Variants in WDR87 observed in about 807,000 individuals in gnomAD.
WDR87 encodes the protein WD repeat domain 87.
A neutral mutation model predicts 83.3 loss-of-function variants in WDR87; 56 were observed. The observed-to-expected ratio is 0.67, with a 90% CI of 0.54 to 0.84. The LOEUF is 0.84. Ranked by LOEUF, WDR87 falls within the 40% of genes least tolerant of loss-of-function variation. The pLI is 0.00. For missense variants in WDR87, 2,939 were observed against 3,431.9 expected (o/e 0.86, Z 3.59); for synonymous variants, 1,173 against 1,250.6 (o/e 0.94, Z 1.31).
chr19:37,898,436 ACAGCC>A (rs1487798300), intron 1 of WDR87, 151 bp from the exon 2 acceptor site: 2 of 623,400 alleles, frequency 3.2e-6, no homozygotes, highest in Non-Finnish European at 4.0e-6. Flanking sequence ...CATCCACTCT[ACAGCC>A]CAGTAAGGTA....
rs1207656862 is a variant in WDR87, at chr19:37,894,595, G to A, written c.1108C>T (p.Arg370Trp). The change falls in exon 4 of 6, where the codon CGG (arginine) becomes TGG (tryptophan). Residue 370 changes from arginine to tryptophan, a missense_variant. Physicochemically the swap from Arg to Trp is moderately radical, Grantham distance 101 (BLOSUM62 -3). This residue lies in a region of WDR87 where 553 missense variants were observed against 577.9 expected (regional missense o/e 0.96). Transcript: ENST00000447313. ...VCGSAPQQLR[R>W]VCCGNNWFRI... Reference sequence around the variant, plus strand: ...AACCAGTTATTTCCACAGCAGACCCGACGCAACTGCTGGGGAGCAGAGCCA... The same window carrying A: ...AACCAGTTATTTCCACAGCAGACCCAACGCAACTGCTGGGGAGCAGAGCCA... The A allele has an allele frequency of 4.5e-6, 7 of 1,551,612 alleles. No homozygotes were observed. The highest frequency in any genetic ancestry group is 4.1e-5 in the African/African-American group (3 of 73,060).
In WDR87 at chr19:37,888,744, G is replaced by A. The variant is rs1486006415; in HGVS notation, c.4927C>T (p.Gln1643Ter). Residue 1643 changes from glutamine (Q) to a stop codon, truncating the protein, a stop_gained, in exon 6 of 6, where the codon CAA becomes TAA. Coordinates refer to ENST00000447313, the MANE Select transcript of WDR87 (RefSeq NM_001291088.2). LOFTEE classifies it low-confidence loss of function (END_TRUNC). ...TCCTGGGCCAACTGTCTCTCTTCTT[G>A]TGCAAGTTTCTCTTCTTCTTGTGCT... is the stretch of plus-strand genomic sequence containing the variant. The part of the protein sequence containing the change: ...KLAQEEEKLA[Q>*]EERQLAQEER... 2.6e-6 allele frequency: 4 copies of A among 1,551,768 alleles called. No homozygotes were observed. Among genetic ancestry groups the A allele is most frequent in the Admixed American group, 2.0e-5 (1 of 50,972 alleles).
rs138647058 is a variant in WDR87 at position 37,905,559 on chromosome 19, T to A, written c.-47+940A>T. ...CATTACACATAAAAACACACACATA[T>A]ATAATTTTTTTTTTTTTTAAAGAGA... On this transcript the variant is annotated intron_variant, in intron 1 of 5. Transcript: ENST00000447313. Among the ~76,000 whole-genome samples, 780 of 139,580 alleles carry A rather than the reference T, an allele frequency of 5.6e-3. 6 individuals are homozygous for A. Among genetic ancestry groups the A allele is most frequent in the African/African-American group, 0.022 (755 of 33,802 alleles). 91.6% of individuals were successfully genotyped at this position (139,580 alleles called of 152,430 possible).
Position 37,887,064 on chromosome 19 carries a change from C to T in WDR87, c.6607G>A (p.Glu2203Lys). The T allele has an allele frequency of 3.9e-6, 6 of 1,550,996 alleles. No individual in the cohort carries two copies. The highest frequency in any genetic ancestry group is 5.2e-6 in the Non-Finnish European group (6 of 1,146,936). The change falls in exon 6 of 6, where the codon GAG (glutamate) becomes AAG (lysine). Residue 2203 changes from glutamate to lysine, a missense_variant. Transcript: ENST00000447313. ...GAATGCTTTCTGGCCAATTTGCTCT[C>T]TTCCTCAGTCATTTTTTCTTCTTTG... The part of the protein sequence containing the change: ...INKEEKMTEE[E>K]SKLARKHSEV...
intron 1 of WDR87, among the ~76,000 whole-genome samples, chr19:37,904,471 G>C: frequency 6.6e-6 from 1 of 151,798 alleles, no homozygotes. Flanking sequence ...TGATTCTTGA[G>C]CCTCAGCCTC....
chr19:37,905,461 AAAGT>A (rs10676914), intron 1 of WDR87, among the ~76,000 whole-genome samples: 13 of 151,498 alleles, frequency 8.6e-5, no homozygotes, highest in Admixed American at 3.3e-4. Flanking sequence ...AAGAAAAAAA[AAAGT>A]AAATAATAAT....
rs767351944 is a variant in WDR87, at chr19:37,889,023, G to C, written c.4648C>G (p.Gln1550Glu). Reference protein sequence around the residue: ...EKLSPEEEMLQEDKKLKWEEW... With the variant: ...EKLSPEEEMLEEDKKLKWEEW... ...TCCCATTTCAGCTTCTTGTCCTCCT[G>C]AAGCATTTCCTCCTCCGGGGATAGC... is the stretch of plus-strand genomic sequence containing the variant. The change falls in exon 6 of 6, where the codon CAG becomes GAG. Residue 1550 changes from glutamine (Q) to glutamate (E), a missense_variant. Around this residue, in one of 3 missense-constraint regions of WDR87, gnomAD observed 2,160 missense variants for 2,533.1 expected, o/e 0.85. Transcript: ENST00000447313. 4.5e-6 allele frequency: 7 copies of C among 1,551,962 alleles called. No homozygotes were observed. Among genetic ancestry groups the C allele is most frequent in the Middle Eastern group, 3.3e-4 (2 of 5,994 alleles).
Position 37,889,663 on chromosome 19 carries a change from T to G in WDR87, c.4008A>C (p.Glu1336Asp). 6.4e-7 allele frequency: 1 copy of G among 1,551,824 alleles called. No homozygotes were observed. Among genetic ancestry groups the G allele is most frequent in the African/African-American group, 1.4e-5 (1 of 73,170 alleles). ...FQEICPLLKK[E>D]SKVLLEDLDW... ...CAAGGTCCTCAAGCAGAACCTTACT[T>G]TCTTTCTTCAATAGGGGGCAGATCT... The change falls in exon 6 of 6, where the codon GAA (glutamate) becomes GAC (aspartate). Residue 1336 changes from glutamate to aspartate, a missense_variant. This residue lies in a region of WDR87 where 2,160 missense variants were observed against 2,533.1 expected (regional missense o/e 0.85). Coordinates refer to ENST00000447313, the MANE Select transcript of WDR87 (RefSeq NM_001291088.2).
intron 1 of WDR87, among the ~76,000 whole-genome samples, chr19:37,903,719 G>A (rs1473583900): frequency 2.0e-5 from 3 of 151,868 alleles, no homozygotes; most frequent in African/African-American, 7.3e-5. Context: ...TTGTAGAGAT[G>A]GGGTTTCACC....
chr19:37,891,798 G>A lies in WDR87; in HGVS notation c.3148C>T (p.Pro1050Ser), dbSNP rs1208924540. 6.4e-7 allele frequency: 1 copy of A among 1,552,138 alleles called. No individual in the cohort carries two copies. Among genetic ancestry groups the A allele is most frequent in the Admixed American group, 2.0e-5 (1 of 50,980 alleles). Residue 1050 changes from proline to serine, a missense_variant, in exon 5 of 6, where the codon CCC becomes TCC. Physicochemically the swap from Pro to Ser is moderately conservative, Grantham distance 74. Coordinates refer to ENST00000447313, the MANE Select transcript of WDR87 (RefSeq NM_001291088.2). ...CGCATCCCCAGTAGATGGTCCAGGG[G>A]TTCCTCCCCGATCATCTGCTGCCTA... ...EMQQQMIGEE[P>S]LDHLLGMRAT...
chr19:37,890,288 A>G lies in WDR87; in HGVS notation c.3395-12T>C. Reference sequence around the variant, plus strand: ...CAACCATTTTTGGCCTGCAGTAAAAATCGAGAGATGGAGGTAAGCAAAGTA... The same window carrying G: ...CAACCATTTTTGGCCTGCAGTAAAAGTCGAGAGATGGAGGTAAGCAAAGTA... On this transcript the variant is annotated splice_polypyrimidine_tract_variant and intron_variant, in intron 5 of 5. Coordinates refer to ENST00000447313, the MANE Select transcript of WDR87 (RefSeq NM_001291088.2). 1 of 1,513,510 alleles carries G rather than the reference A, an allele frequency of 6.6e-7. No homozygotes were observed. The highest frequency in any genetic ancestry group is 8.9e-7 in the Non-Finnish European group (1 of 1,127,238). 93.8% of individuals were successfully genotyped at this position (1,513,510 alleles called of 1,614,324 possible). A position where few individuals can be genotyped will look rare whatever the true frequency, so the allele number is the denominator to read the frequency against.
intron 1 of WDR87, among the ~76,000 whole-genome samples, chr19:37,901,380 G>A (rs1051694648): frequency 1.2e-4 from 18 of 152,030 alleles, no homozygotes; most frequent in Non-Finnish European, 2.6e-4. Context: ...GCAGTGAGCC[G>A]AGATTGCAGC....
In WDR87 at chr19:37,886,843, T is replaced by C; in HGVS notation, c.6828A>G (p.Leu2276=). The C allele has an allele frequency of 6.4e-7, 1 of 1,551,344 alleles. No individual in the cohort carries two copies. Among genetic ancestry groups the C allele is most frequent in the Non-Finnish European group, 8.7e-7 (1 of 1,146,946 alleles). The change falls in exon 6 of 6, where the codon CTA becomes CTG. Residue 2276 remains leucine (L), a synonymous_variant. Transcript: ENST00000447313. ...SEEMESLLDE[L]EKQESLSSEE... Reference sequence around the variant, plus strand: ...CAGAAGACAAACTCTCTTGCTTTTCTAGTTCATCTAACAGGCTTTCCATTT... The same window carrying C: ...CAGAAGACAAACTCTCTTGCTTTTCCAGTTCATCTAACAGGCTTTCCATTT...
intron 1 of WDR87, 79 bp from the exon 2 acceptor site, chr19:37,898,364 C>A: frequency 6.8e-7 from 1 of 1,466,806 alleles, no homozygotes; most frequent in Non-Finnish European, 9.0e-7. Flanking sequence ...CAACAATGAA[C>A]TCATGTTTAT....
In WDR87 at chr19:37,889,507, T is replaced by G; in HGVS notation, c.4164A>C (p.Gln1388His). 1 of 1,551,814 alleles carries G rather than the reference T, an allele frequency of 6.4e-7. No homozygotes were observed. Among genetic ancestry groups the G allele is most frequent in the Non-Finnish European group, 8.7e-7 (1 of 1,147,020 alleles). ...HKEVMPREEE[Q>H]AQKKARDMLG... ...GCATGTCTCTTGCTTTCTTTTGTGC[T>G]TGTTCTTCTTCCCTTGGCATCACTT... is the stretch of plus-strand genomic sequence containing the variant. The change falls in exon 6 of 6, where the codon CAA becomes CAC. Residue 1388 changes from glutamine to histidine, a missense_variant. Gln to His is a conservative substitution (Grantham distance 24, BLOSUM62 0). This residue lies in a region of WDR87 where 2,160 missense variants were observed against 2,533.1 expected (regional missense o/e 0.85). Coordinates refer to ENST00000447313, the MANE Select transcript of WDR87 (RefSeq NM_001291088.2).
rs368436584 is a variant in WDR87 at position 37,893,388 on chromosome 19, A to G, written c.2315T>C (p.Met772Thr). Reference sequence around the variant, plus strand: ...TTTGCTCACCTGCATCCAATCTTCCATGTCCTGCAAAGAATAATGCATGGA... The same window carrying G: ...TTTGCTCACCTGCATCCAATCTTCCGTGTCCTGCAAAGAATAATGCATGGA... The part of the protein sequence containing the change: ...RSSMHYSLQD[M>T]EDWMQVSKRY... The change falls in exon 4 of 6, where the codon ATG (methionine) becomes ACG (threonine). Residue 772 changes from methionine (M) to threonine (T), a missense_variant. By Grantham distance (81) the Met-to-Thr change is moderately conservative. Around this residue, in one of 3 missense-constraint regions of WDR87, gnomAD observed 2,160 missense variants for 2,533.1 expected, o/e 0.85. Coordinates refer to ENST00000447313, the MANE Select transcript of WDR87 (RefSeq NM_001291088.2). The G allele has an allele frequency of 5.8e-6, 9 of 1,552,052 alleles. No individual in the cohort carries two copies. The highest frequency in any genetic ancestry group is 4.9e-5 in the East Asian group (2 of 40,936).
In WDR87 at chr19:37,893,298, G is replaced by T. The variant is rs985053651; in HGVS notation, c.2405C>A (p.Pro802His). 1 of 1,551,494 alleles carries T rather than the reference G, an allele frequency of 6.4e-7. No individual in the cohort carries two copies. Among genetic ancestry groups the T allele is most frequent in the African/African-American group, 1.4e-5 (1 of 73,074 alleles). The change falls in exon 4 of 6, where the codon CCC becomes CAC. Residue 802 changes from proline to histidine, a missense_variant. Around this residue, in one of 3 missense-constraint regions of WDR87, gnomAD observed 2,160 missense variants for 2,533.1 expected, o/e 0.85. Transcript: ENST00000447313. ...AAAGTAGTATCGCAATATCTGATAGGGGTTGAGTCCATCCCAGCTAGTCAG... is the reference window on the plus strand; with the variant it reads ...AAAGTAGTATCGCAATATCTGATAGTGGTTGAGTCCATCCCAGCTAGTCAG... ...LQLTSWDGLN[P>H]YQILRYYFGH... is the part of the protein sequence containing the mutation.
intron 1 of WDR87, among the ~76,000 whole-genome samples, chr19:37,901,952 G>A (rs1272610580): frequency 1.3e-5 from 2 of 152,042 alleles, no homozygotes; most frequent in African/African-American, 4.8e-5. Flanking sequence ...CTGGGCTCAA[G>A]CGATCCACCT....
Position 37,889,777 on chromosome 19 carries a change from TG to T in WDR87, c.3893del (p.Thr1298LysfsTer7), listed in dbSNP as rs1248713910. The T allele has an allele frequency of 3.9e-6, 6 of 1,551,766 alleles. No individual in the cohort carries two copies. The highest frequency in any genetic ancestry group is 5.2e-6 in the Non-Finnish European group (6 of 1,147,010). ...CAGCGTTTAGGTTTTCTGACATTTT[TG>T]TTTGGGAACCAGATATCCTCAGGGC... ...LMALRISGSQTKMSENLNAEL... is the reference protein window; with the variant it reads ...LMALRISGSQXKMSENLNAEL... On this transcript the variant is annotated frameshift_variant, in exon 6 of 6. Transcript: ENST00000447313. LOFTEE classifies it low-confidence loss of function (END_TRUNC).
Sources: gnomAD v4.1 joint callset for allele counts (sites outside exome capture counted in the v4.1 genomes callset) on GRCh38, gnomAD v4.1.1 for gene constraint, gnomAD v4.1.1 regional missense constraint, MANE v1.5 for transcripts, NCBI Gene and HGNC (gene_info 2026-07-23, HGNC 2026-07-21) for gene names.